The following ATP8A2 variants were observed in gnomAD, a reference collection of about 807,000 sequenced individuals.
ATP8A2 encodes the protein phospholipid-transporting ATPase IB.
A neutral mutation model predicts 165.6 loss-of-function variants in ATP8A2; 100 were observed. That is an observed-to-expected ratio of 0.60 (90% CI 0.51 to 0.71). The LOEUF (loss-of-function observed/expected upper bound fraction) is 0.71, where lower values mean the gene tolerates loss of function less well. Among genes scored for constraint, ATP8A2 ranks in the 30% least tolerant of loss-of-function variants. The pLI is 0.00. For missense variants in ATP8A2, 1,227 were observed against 1,479.5 expected, an observed-to-expected ratio of 0.83 and a Z score of 2.80; for synonymous variants, 543 against 548.8, an observed-to-expected ratio of 0.99 and a Z score of 0.15.
chr13:25,507,219 T>TTGTGTGTG lies in ATP8A2; in HGVS notation c.222-22742_222-22735dup, dbSNP rs560460756. Among the ~76,000 whole-genome samples, 680 of 126,976 alleles carry TTGTGTGTG rather than the reference T, an allele frequency of 5.4e-3. 11 individuals carry two copies. The highest frequency in any genetic ancestry group is 0.016 in the African/African-American group (538 of 32,834). The allele number at this position is 126,976 out of a possible 152,430, so 83.3% of individuals were successfully genotyped here. A position where few individuals can be genotyped will look rare whatever the true frequency, so the allele number is the denominator to read the frequency against. ...TGGGTAATTGTGCTGGTACCATTCT[T>TTGTGTGTG]TGTGTGTGTGTGTGTGTGTGTGTGT... On this transcript the variant is annotated intron_variant, in intron 2 of 36. Coordinates refer to ENST00000381655, the MANE Select transcript of ATP8A2 (RefSeq NM_016529.6).
At position 25,529,995 on chromosome 13, in the gene ATP8A2, A is replaced by C. The variant is rs1041839168; in HGVS notation, c.222-4A>C. The C allele has an allele frequency of 6.3e-7, 1 of 1,584,462 alleles. No homozygotes were observed. The highest frequency in any genetic ancestry group is 1.3e-5 in the African/African-American group (1 of 74,212). On this transcript the variant is annotated splice_region_variant and splice_polypyrimidine_tract_variant and intron_variant, in intron 2 of 36. Transcript: ENST00000381655. ...GATAGTATTATTTTTCTTTGCACTT[A>C]CAGTACGGCCAAGTACAGCGTGTTG... is the stretch of plus-strand genomic sequence containing the variant.
chr13:25,911,201 G>A (rs1460407172), intron 33 of ATP8A2, among the ~76,000 whole-genome samples: 1 of 152,118 alleles, frequency 6.6e-6, no homozygotes, highest in African/African-American at 2.4e-5. Flanking sequence ...GGCCTGGCTT[G>A]GAACAATAGA....
In ATP8A2 at chr13:25,622,262, T is replaced by A. The variant is rs756328731; in HGVS notation, c.2211+32563T>A. ...AAATGTATATGCCAAGTTGGAGATG[T>A]GTCAATAGAGCTAAGCAGATTTTTG... On this transcript the variant is annotated intron_variant, in intron 24 of 36. Transcript: ENST00000381655. 6.3e-4 allele frequency among the ~76,000 whole-genome samples: 95 copies of A among 151,108 alleles called. No individual in the cohort carries two copies. In the Middle Eastern group the frequency reaches 0.01, roughly 16 times the overall value.
At chr13:25,536,907 C>T (rs1334429948) in intron 6 of ATP8A2, among the ~76,000 whole-genome samples, 2 of 152,136 alleles carry the variant, frequency 1.3e-5, no homozygotes, top group East Asian at 1.9e-4. Context: ...CTTACAAGGC[C>T]GGTGGCACTG....
At chr13:25,641,357 C>A (rs536406854) in intron 24 of ATP8A2, among the ~76,000 whole-genome samples, 249 of 152,270 alleles carry the variant, frequency 1.6e-3, no homozygotes, top group African/African-American at 5.8e-3. Flanking sequence ...TAGAAAACCC[C>A]ATCGTTTCAG....
At chr13:25,482,092 A>G (rs143415559) in intron 2 of ATP8A2, among the ~76,000 whole-genome samples, 314 of 152,248 alleles carry the variant, frequency 2.1e-3, no homozygotes, top group Non-Finnish European at 3.6e-3. Context: ...CATTTAATAA[A>G]TGTTCCTGAA....
intron 1 of ATP8A2, among the ~76,000 whole-genome samples, chr13:25,435,402 A>T (rs967192002): frequency 2.6e-5 from 4 of 152,122 alleles, no homozygotes; most frequent in African/African-American, 9.7e-5. Context: ...TACAGGCGTG[A>T]ACCACCGCGC....
At chr13:25,809,444 A>G (rs570270183) in intron 27 of ATP8A2, among the ~76,000 whole-genome samples, 4 of 152,010 alleles carry the variant, frequency 2.6e-5, no homozygotes, top group African/African-American at 9.6e-5. Context: ...TCATCTCAAC[A>G]CTCGTTCTTC....
chr13:25,700,323 G>A (rs938795455), intron 25 of ATP8A2, among the ~76,000 whole-genome samples: 1 of 152,142 alleles, frequency 6.6e-6, no homozygotes, highest in Non-Finnish European at 1.5e-5. Context: ...TTGCCTTTGA[G>A]TATATTCACA....
At chr13:25,416,229 G>T (rs1057228466) in intron 1 of ATP8A2, among the ~76,000 whole-genome samples, 1 of 152,128 alleles carries the variant, frequency 6.6e-6, no homozygotes, top group Non-Finnish European at 1.5e-5. Flanking sequence ...CATTGGGTTT[G>T]GTTCACTGTT....
At chr13:25,478,838 ATG>A (rs1469681076) in intron 2 of ATP8A2, among the ~76,000 whole-genome samples, 3 of 141,236 alleles carry the variant, frequency 2.1e-5, no homozygotes, top group Non-Finnish European at 4.5e-5. Flanking sequence ...TTTTCATTGG[ATG>A]TCCCATTTGT....
At chr13:25,963,969 C>T (rs1955719151) in intron 34 of ATP8A2, among the ~76,000 whole-genome samples, 1 of 152,258 alleles carries the variant, frequency 6.6e-6, no homozygotes, top group South Asian at 2.1e-4. Context: ...CACTTCCTTT[C>T]CAAGGAGCTT....
At chr13:25,458,380 A>C (rs2035417905) in intron 1 of ATP8A2, among the ~76,000 whole-genome samples, 1 of 152,190 alleles carries the variant, frequency 6.6e-6, no homozygotes, top group South Asian at 2.1e-4. Flanking sequence ...GAGATACCTA[A>C]GCAGGTTTTT....
chr13:25,887,500 G>A (rs371589637), intron 33 of ATP8A2, among the ~76,000 whole-genome samples: 2 of 152,110 alleles, frequency 1.3e-5, no homozygotes, highest in African/African-American at 2.4e-5. Flanking sequence ...CACCATGCCC[G>A]GCTAATTTTT....
chr13:25,752,215 C>T (rs2044167022), intron 25 of ATP8A2, among the ~76,000 whole-genome samples: 1 of 152,064 alleles, frequency 6.6e-6, no homozygotes, highest in African/African-American at 2.4e-5. Flanking sequence ...AATCCCAACA[C>T]TTCGGGAGGC....
chr13:25,658,382 A>T (rs908840959), intron 24 of ATP8A2, among the ~76,000 whole-genome samples: 2 of 152,162 alleles, frequency 1.3e-5, no homozygotes, highest in African/African-American at 4.8e-5. Flanking sequence ...TCACACCGGT[A>T]ATCCCAGCAC....
chr13:25,582,531 T>A (rs78501076), intron 23 of ATP8A2, among the ~76,000 whole-genome samples: 1 of 152,362 alleles, frequency 6.6e-6, no homozygotes, highest in Non-Finnish European at 1.5e-5. Flanking sequence ...TAATCTTGAT[T>A]ATTTGAAACA....
At chr13:25,771,555 GT>G (rs2044619400) in intron 26 of ATP8A2, among the ~76,000 whole-genome samples, 1 of 152,224 alleles carries the variant, frequency 6.6e-6, no homozygotes, top group Non-Finnish European at 1.5e-5. Context: ...AATAGGATGT[GT>G]TATCCAGAGC....
intron 1 of ATP8A2, among the ~76,000 whole-genome samples, chr13:25,424,058 G>A (rs562366229): frequency 4.4e-4 from 67 of 152,200 alleles, no homozygotes; most frequent in Admixed American, 9.8e-4. Context: ...GTCGGCACAC[G>A]GTGTCTTAGA....
Sources: gnomAD v4.1 joint callset for allele counts (sites outside exome capture counted in the v4.1 genomes callset) on GRCh38, gnomAD v4.1.1 for gene constraint, MANE v1.5 for transcripts, NCBI Gene and HGNC (gene_info 2026-07-23, HGNC 2026-07-21) for gene names.